Variants in SCTR observed in about 807,000 individuals in gnomAD.
The protein encoded by SCTR is pancreatic secretin receptor.
In SCTR, 56 loss-of-function variants were observed where a neutral mutation model predicts 60.8. That is an observed-to-expected ratio of 0.92 (90% CI 0.74 to 1.15). The LOEUF (loss-of-function observed/expected upper bound fraction) is 1.15. Ranked by LOEUF, SCTR falls within the 50% of genes most tolerant of loss-of-function variation. SCTR has a pLI of 0.00. For missense variants in SCTR, 562 were observed against 550.4 expected, an observed-to-expected ratio of 1.02 and a Z score of -0.21; for synonymous variants, 202 against 217.0, an observed-to-expected ratio of 0.93 and a Z score of 0.61.
intron 10 of SCTR, among the ~76,000 whole-genome samples, chr2:119,447,147 C>A (rs566148768): frequency 6.6e-6 from 1 of 151,846 alleles, no homozygotes; most frequent in African/African-American, 2.4e-5. Context: ...GAAAAAAAAA[C>A]GGTACCTACA....
intron 1 of SCTR, among the ~76,000 whole-genome samples, chr2:119,517,182 C>T (rs1324176617): frequency 2.0e-5 from 3 of 150,106 alleles, no homozygotes; most frequent in African/African-American, 4.9e-5. Context: ...TTTTTTGAGA[C>T]GGAGTCTCAC....
intron 11 of SCTR, 117 bp from the exon 12 acceptor site, chr2:119,441,716 C>T (rs1304047243): frequency 1.6e-5 from 14 of 870,764 alleles, no homozygotes; most frequent in Non-Finnish European, 2.4e-5. Flanking sequence ...CTCATTTCCC[C>T]ACCTCTCTTG....
At chr2:119,488,391 C>T (rs1043079168) in intron 2 of SCTR, among the ~76,000 whole-genome samples, 23 of 152,222 alleles carry the variant, frequency 1.5e-4, no homozygotes, top group African/African-American at 3.6e-4. Context: ...ATGGTCAGGG[C>T]TTGCCCAGGT....
At chr2:119,461,449 C>A (rs1016688953) in intron 7 of SCTR, among the ~76,000 whole-genome samples, 3 of 152,184 alleles carry the variant, frequency 2.0e-5, no homozygotes, top group Non-Finnish European at 2.9e-5. Context: ...CGGTGGCTCA[C>A]GCCTGTAATC....
At chr2:119,482,934 C>T (rs1345608709) in intron 2 of SCTR, among the ~76,000 whole-genome samples, 1 of 152,256 alleles carries the variant, frequency 6.6e-6, no homozygotes, top group Non-Finnish European at 1.5e-5. Flanking sequence ...AGCTCCCCTG[C>T]CAGCTCGGGT....
chr2:119,519,810 C>CAAAAAA (rs71396064), intron 1 of SCTR, among the ~76,000 whole-genome samples: 5 of 58,230 alleles, frequency 8.6e-5, no homozygotes, highest in African/African-American at 1.8e-4. Flanking sequence ...GACTCTGTCT[C>CAAAAAA]AAAAAAAAAA....
chr2:119,448,553 T>A (rs899694749), intron 10 of SCTR, 136 bp downstream of exon 10: 1 of 631,062 alleles, frequency 1.6e-6, no homozygotes, highest in African/African-American at 1.8e-5. Context: ...ACCGCCCCCA[T>A]GTACCTGGTA....
At chr2:119,461,333 T>G (rs1424021322) in intron 7 of SCTR, among the ~76,000 whole-genome samples, 2 of 152,198 alleles carry the variant, frequency 1.3e-5, no homozygotes, top group Admixed American at 1.3e-4. Flanking sequence ...TGCCAGAAAC[T>G]GGGGCTAAAT....
At chr2:119,443,803 T>C (rs1185114779) in intron 11 of SCTR, among the ~76,000 whole-genome samples, 7 of 152,182 alleles carry the variant, frequency 4.6e-5, no homozygotes, top group Admixed American at 6.5e-5. Flanking sequence ...TGCCTCGGCC[T>C]CCCGAAGTGC....
chr2:119,512,440 AG>A (rs1678987659), intron 1 of SCTR, among the ~76,000 whole-genome samples: 1 of 150,684 alleles, frequency 6.6e-6, no homozygotes, highest in South Asian at 2.1e-4. Flanking sequence ...TCTATTTCCC[AG>A]GCTGGAGTGC....
chr2:119,449,048 A>G (rs539642765), intron 9 of SCTR, among the ~76,000 whole-genome samples: 65 of 152,228 alleles, frequency 4.3e-4, no homozygotes, highest in African/African-American at 1.5e-3. Flanking sequence ...CAGATCACTC[A>G]CCCGTGCAGA....
rs746044803 is a variant in SCTR, at chr2:119,448,724, G to C, written c.978C>G (p.Thr326=). 6.2e-7 allele frequency: 1 copy of C among 1,602,260 alleles called. No homozygotes were observed. The highest frequency in any genetic ancestry group is 1.3e-5 in the African/African-American group (1 of 74,764). Residue 326 remains threonine (T), a synonymous_variant, in exon 10 of 13, where the codon ACC becomes ACG. Transcript: ENST00000019103. ...TGACTTCATTTCCTCTTGTTTCTTG[G>C]GTTCTAAGTTTTCTCATCAGGATTC... ...ILRILMRKLR[T]QETRGNEVSH...
Position 119,444,888 on chromosome 2 carries a change from T to C in SCTR, c.1140+1871A>G, listed in dbSNP as rs1477933411. Among the ~76,000 whole-genome samples, 7 of 13,484 alleles carry C rather than the reference T, an allele frequency of 5.2e-4. 3 individuals carry two copies. Among genetic ancestry groups the C allele is most frequent in the Non-Finnish European group, 6.2e-4 (5 of 8,090 alleles). 8.8% of individuals were successfully genotyped at this position (13,484 alleles called of 152,430 possible). Reference sequence around the variant, plus strand: ...TCGTACGAATATATATACACATATATTCGTACGAATATATATACATATATT... The same window carrying C: ...TCGTACGAATATATATACACATATACTCGTACGAATATATATACATATATT... On this transcript the variant is annotated intron_variant, in intron 11 of 12. Transcript: ENST00000019103.
chr2:119,465,064 G>A (rs1302633305), intron 5 of SCTR, among the ~76,000 whole-genome samples: 1 of 152,136 alleles, frequency 6.6e-6, no homozygotes, highest in African/African-American at 2.4e-5. Context: ...CTCTGGATTG[G>A]GAGGGCTCCA....
intron 2 of SCTR, among the ~76,000 whole-genome samples, chr2:119,489,599 G>C (rs1678036862): frequency 6.6e-6 from 1 of 152,208 alleles, no homozygotes; most frequent in African/African-American, 2.4e-5. Context: ...TAACTCGCTT[G>C]ACCAGGGGAG....
chr2:119,440,020 A>G lies in SCTR; in HGVS notation c.*97T>C, dbSNP rs1558827534. The G allele has an allele frequency of 3.1e-6, 4 of 1,306,770 alleles. No individual in the cohort carries two copies. Among genetic ancestry groups the G allele is most frequent in the Non-Finnish European group, 3.2e-6 (3 of 943,126 alleles). 80.9% of individuals were successfully genotyped at this position (1,306,770 alleles called of 1,614,324 possible). On this transcript the variant is annotated 3_prime_UTR_variant, in exon 13 of 13. Coordinates refer to ENST00000019103, the MANE Select transcript of SCTR (RefSeq NM_002980.3). ...GGCATCTTCAGCTGAAGGAGGACAC[A>G]GGGTGTCTGCTGGGAAGACTGGCTG...
chr2:119,447,631 G>A (rs1478732319), intron 10 of SCTR, among the ~76,000 whole-genome samples: 1 of 152,184 alleles, frequency 6.6e-6, no homozygotes. Context: ...GAGTGCAGTG[G>A]CGCAATCGCG....
intron 1 of SCTR, among the ~76,000 whole-genome samples, chr2:119,505,582 C>T (rs113465242): frequency 0.15 from 23,466 of 152,038 alleles, 2,187 homozygotes; most frequent in Non-Finnish European, 0.21. Context: ...TGGAAACCAT[C>T]GTTCTCAGCA....
intron 3 of SCTR, among the ~76,000 whole-genome samples, chr2:119,475,759 G>C (rs1379862538): frequency 6.7e-6 from 1 of 149,886 alleles, no homozygotes; most frequent in Non-Finnish European, 1.5e-5. Flanking sequence ...TATTTATGCA[G>C]TTCGGGGAAA....
Sources: allele counts gnomAD v4.1 joint callset (sites outside exome capture counted in the v4.1 genomes callset), GRCh38; gene constraint gnomAD v4.1.1; transcripts MANE v1.5; gene names NCBI Gene and HGNC (gene_info 2026-07-23, HGNC 2026-07-21).